The following PIK3R1 variants were observed in gnomAD, a reference collection of about 807,000 sequenced individuals.
The protein encoded by PIK3R1 is phosphoinositide-3-kinase regulatory subunit 1, also known as phosphatidylinositol 3-kinase regulatory subunit alpha.
A neutral mutation model predicts 98.0 loss-of-function variants in PIK3R1; 29 were observed. The ratio of observed to expected loss-of-function variants is 0.30; its 90% CI spans 0.22 to 0.40. PIK3R1 has a LOEUF of 0.40. Among genes scored for constraint, PIK3R1 ranks in the 10% least tolerant of loss-of-function variants. PIK3R1 has a pLI of 1.00. For missense variants in PIK3R1, 596 were observed against 872.7 expected, an observed-to-expected ratio of 0.68 and a Z score of 3.99; for synonymous variants, 282 against 311.8, an observed-to-expected ratio of 0.90 and a Z score of 1.01.
At chr5:68,290,722 T>C (rs1471105314) in intron 7 of PIK3R1, 1 of 1,603,976 alleles carries the variant, frequency 6.2e-7, no homozygotes, top group East Asian at 2.2e-5. Context: ...AGGAAACTCT[T>C]GCACAAATGT....
Position 68,298,942 on chromosome 5 carries a change from A to C in PIK3R1, c.*1341A>C. 1 of 233,452 alleles carries C rather than the reference A, an allele frequency of 4.3e-6. No homozygotes were observed. Among genetic ancestry groups the C allele is most frequent in the Non-Finnish European group, 8.5e-6 (1 of 117,886 alleles). The allele number at this position is 233,452 out of a possible 1,614,324, so 14.5% of individuals were successfully genotyped here. A position where few individuals can be genotyped will look rare whatever the true frequency, so the allele number is the denominator to read the frequency against. On this transcript the variant is annotated 3_prime_UTR_variant, in exon 16 of 16. Transcript: ENST00000521381. ...GAGGCAAGGTTATATGCACTTTCTC[A>C]TGATTTACAGAGAAGTGAATAACTG...
chr5:68,225,076 C>G (rs1744225555), intron 1 of PIK3R1, among the ~76,000 whole-genome samples: 2 of 152,364 alleles, frequency 1.3e-5, no homozygotes, highest in Admixed American at 6.5e-5. Context: ...TTAGCCTTGA[C>G]TCAGTCTCTC....
rs754486795 is a variant in PIK3R1, at chr5:68,294,487, G to T, written c.1426-49G>T. ...GTCCTGGTAGTGTCTTGCAGTAAGA[G>T]ATTGTTCTATGAAAGGTATGACATT... On this transcript the variant is annotated intron_variant, in intron 11 of 15. Coordinates refer to ENST00000521381, the MANE Select transcript of PIK3R1 (RefSeq NM_181523.3). 18 of 1,445,574 alleles carry T rather than the reference G, an allele frequency of 1.2e-5. No individual in the cohort carries two copies. In the South Asian group the frequency reaches 1.8e-4, roughly 14 times the overall value. 89.5% of individuals were successfully genotyped at this position (1,445,574 alleles called of 1,614,324 possible). A position where few individuals can be genotyped will look rare whatever the true frequency, so the allele number is the denominator to read the frequency against.
chr5:68,222,848 G>A (rs2111945023), intron 1 of PIK3R1, among the ~76,000 whole-genome samples: 1 of 152,204 alleles, frequency 6.6e-6, no homozygotes, highest in African/African-American at 2.4e-5. Context: ...GTAGATGCTG[G>A]AGGTGTTAAA....
intron 2 of PIK3R1, among the ~76,000 whole-genome samples, chr5:68,254,477 A>G (rs1296222859): frequency 6.6e-6 from 1 of 152,248 alleles, no homozygotes; most frequent in Non-Finnish European, 1.5e-5. Context: ...TCTATAAAGG[A>G]GAAATCATAT....
At chr5:68,281,056 C>G in intron 7 of PIK3R1, 50 bp downstream of exon 7, 5 of 1,291,508 alleles carry the variant, frequency 3.9e-6, no homozygotes, top group African/African-American at 1.5e-5. Context: ...TTTTTTAGAG[C>G]CTTAAAAAAT....
chr5:68,289,217 T>G (rs1747245426), intron 7 of PIK3R1, among the ~76,000 whole-genome samples: 1 of 152,114 alleles, frequency 6.6e-6, no homozygotes, highest in South Asian at 2.1e-4. Flanking sequence ...AAAAGAATGT[T>G]TTTCTGAATC....
At chr5:68,244,729 T>C (rs185454007) in intron 2 of PIK3R1, among the ~76,000 whole-genome samples, 10 of 152,256 alleles carry the variant, frequency 6.6e-5, no homozygotes, top group South Asian at 2.1e-4. Flanking sequence ...ATGATAGTTA[T>C]AAGGCAACAT....
At chr5:68,285,681 T>G (rs1199668067) in intron 7 of PIK3R1, among the ~76,000 whole-genome samples, 1 of 152,202 alleles carries the variant, frequency 6.6e-6, no homozygotes, top group Non-Finnish European at 1.5e-5. Context: ...GACAAAGATC[T>G]GAGGGAGAAT....
chr5:68,246,031 A>G (rs1745071998), intron 2 of PIK3R1, among the ~76,000 whole-genome samples: 2 of 152,238 alleles, frequency 1.3e-5, no homozygotes, highest in Admixed American at 6.5e-5. Flanking sequence ...GTTTCCCCAA[A>G]GAGACCACTG....
chr5:68,233,618 A>G (rs1744559514), intron 2 of PIK3R1, among the ~76,000 whole-genome samples: 1 of 152,248 alleles, frequency 6.6e-6, no homozygotes, highest in Admixed American at 6.5e-5. Flanking sequence ...TTTTACTATG[A>G]AAATTCCATG....
At chr5:68,259,751 T>C (rs533300965) in intron 2 of PIK3R1, among the ~76,000 whole-genome samples, 1 of 152,222 alleles carries the variant, frequency 6.6e-6, no homozygotes, top group Non-Finnish European at 1.5e-5. Flanking sequence ...ATGTCCAAAG[T>C]AGTGCATTGA....
intron 1 of PIK3R1, chr5:68,217,629 G>GTGTGGGTGTGTGTGT: frequency 6.9e-6 from 1 of 145,726 alleles, no homozygotes; most frequent in East Asian, 2.0e-4. Context: ...AATGTGTGGG[G>GTGTGGGTGTGTGTGT]GTGTGTGTGT....
intron 4 of PIK3R1, 29 bp downstream of exon 4, chr5:68,274,042 T>C: frequency 6.4e-7 from 1 of 1,553,180 alleles, no homozygotes; most frequent in Non-Finnish European, 8.9e-7. Flanking sequence ...GAAATGCAAA[T>C]GGGAAAGACA....
chr5:68,257,990 CAT>C (rs1276608561), intron 2 of PIK3R1, among the ~76,000 whole-genome samples: 1 of 152,214 alleles, frequency 6.6e-6, no homozygotes, highest in Non-Finnish European at 1.5e-5. Flanking sequence ...TTTTAGAAGA[CAT>C]AGTTTTCCCT....
chr5:68,234,211 C>A (rs1445603588), intron 2 of PIK3R1, among the ~76,000 whole-genome samples: 1 of 152,206 alleles, frequency 6.6e-6, no homozygotes, highest in African/African-American at 2.4e-5. Flanking sequence ...AAGCTAAATG[C>A]TGTCTCTTTT....
rs548868747 is a variant in PIK3R1 at position 68,231,290 on chromosome 5, C to T, written c.334+4281C>T. On this transcript the variant is annotated intron_variant, in intron 2 of 15. Coordinates refer to ENST00000521381, the MANE Select transcript of PIK3R1 (RefSeq NM_181523.3). ...TGCTAACACAAGAGATTACTTACTG[C>T]ATACCCACCTCCATCCTGACCTGCA... is the stretch of plus-strand genomic sequence containing the variant. 2.0e-5 allele frequency among the ~76,000 whole-genome samples: 3 copies of T among 152,334 alleles called. No individual in the cohort carries two copies. In the South Asian group the frequency reaches 6.2e-4, roughly 32 times the overall value.
Position 68,292,272 on chromosome 5 carries a change from A to G in PIK3R1, c.930A>G (p.Lys310=). Reference sequence around the variant, plus strand: ...TTTCATCTGCAGCACTGCCTCCTAAACCACCAAAACCTACTACTGTAGCCA... The same window carrying G: ...TTTCATCTGCAGCACTGCCTCCTAAGCCACCAAAACCTACTACTGTAGCCA... ...ERQPAPALPP[K]PPKPTTVANN... is the part of the protein sequence containing the mutation. The change falls in exon 8 of 16, where the codon AAA becomes AAG. Residue 310 remains lysine, a synonymous_variant. Coordinates refer to ENST00000521381, the MANE Select transcript of PIK3R1 (RefSeq NM_181523.3). 1.2e-6 allele frequency: 2 copies of G among 1,612,402 alleles called. No individual in the cohort carries two copies. The highest frequency in any genetic ancestry group is 4.5e-5 in the East Asian group (2 of 44,866).
At chr5:68,290,632 C>T in intron 7 of PIK3R1, 1 of 1,443,552 alleles carries the variant, frequency 6.9e-7, no homozygotes, top group Non-Finnish European at 9.1e-7. Context: ...TTCAGTGCAG[C>T]CCCTTATAGG....
Sources: gnomAD v4.1 joint callset for allele counts (sites outside exome capture counted in the v4.1 genomes callset) on GRCh38, gnomAD v4.1.1 for gene constraint, MANE v1.5 for transcripts, NCBI Gene and HGNC (gene_info 2026-07-23, HGNC 2026-07-21) for gene names.